Variants in KCNN2 observed in about 807,000 individuals in gnomAD.
The protein encoded by KCNN2 is small conductance calcium-activated potassium channel protein 2.
KCNN2 carries 24 observed loss-of-function variants against 55.5 expected under a neutral mutation model. The ratio of observed to expected loss-of-function variants is 0.43; its 90% CI spans 0.31 to 0.61. The LOEUF (loss-of-function observed/expected upper bound fraction) is 0.61. Ranked by LOEUF, KCNN2 falls within the 20% of genes least tolerant of loss-of-function variation. The pLI is 0.08. For missense variants in KCNN2, 754 were observed against 853.6 expected, an observed-to-expected ratio of 0.88 and a Z score of 1.45; for synonymous variants, 431 against 336.1, an observed-to-expected ratio of 1.28 and a Z score of -3.09.
intron 1 of KCNN2, among the ~76,000 whole-genome samples, chr5:114,184,456 C>T (rs1753293268): frequency 6.6e-6 from 1 of 152,070 alleles, no homozygotes; most frequent in Admixed American, 6.6e-5. Context: ...GCAAATTCTG[C>T]AGTAATTAAC....
At chr5:114,453,259 T>C (rs1041826651) in intron 3 of KCNN2, among the ~76,000 whole-genome samples, 1 of 152,216 alleles carries the variant, frequency 6.6e-6, no homozygotes, top group African/African-American at 2.4e-5. Context: ...GATCTATGCC[T>C]GCTCAGTTCC....
intron 2 of KCNN2, among the ~76,000 whole-genome samples, chr5:114,382,424 G>T (rs1000839744): frequency 6.6e-6 from 1 of 152,110 alleles, no homozygotes; most frequent in Non-Finnish European, 1.5e-5. Context: ...CTAATTGTTC[G>T]ATGTGTATAT....
chr5:114,323,655 T>TTTTTTTTTTTTTTTTTTTC, intron 2 of KCNN2, among the ~76,000 whole-genome samples: 1 of 133,842 alleles, frequency 7.5e-6, no homozygotes, highest in Non-Finnish European at 1.6e-5. Flanking sequence ...ATCAATTTTT[T>TTTTTTTTTTTTTTTTTTTC]TTTTTTTTTT....
chr5:114,195,749 G>C (rs1753543455), intron 1 of KCNN2, among the ~76,000 whole-genome samples: 1 of 152,022 alleles, frequency 6.6e-6, no homozygotes, highest in African/African-American at 2.4e-5. Context: ...AGACATCCTT[G>C]TCTTGTTCCT....
chr5:114,186,031 T>C (rs969982314), intron 1 of KCNN2, among the ~76,000 whole-genome samples: 1 of 152,218 alleles, frequency 6.6e-6, no homozygotes, highest in African/African-American at 2.4e-5. Context: ...ATGTTGTTCA[T>C]TTCTCTGCAT....
chr5:114,407,071 A>G (rs2150072419), intron 3 of KCNN2, among the ~76,000 whole-genome samples: 1 of 152,004 alleles, frequency 6.6e-6, no homozygotes, highest in East Asian at 1.9e-4. Context: ...TAGTATTGGT[A>G]TTCTAAAATT....
At chr5:114,206,835 C>T (rs1233743897) in intron 1 of KCNN2, among the ~76,000 whole-genome samples, 1 of 151,948 alleles carries the variant, frequency 6.6e-6, no homozygotes, top group East Asian at 1.9e-4. Context: ...AAGGTCTAGC[C>T]CCACTCTGTG....
At chr5:114,205,283 A>G (rs1753745770) in intron 1 of KCNN2, among the ~76,000 whole-genome samples, 1 of 152,252 alleles carries the variant, frequency 6.6e-6, no homozygotes, top group South Asian at 2.1e-4. Context: ...ACACAGTGTG[A>G]AAGACACTGA....
At chr5:114,158,293 G>C (rs1752685188) in intron 1 of KCNN2, among the ~76,000 whole-genome samples, 1 of 152,190 alleles carries the variant, frequency 6.6e-6, no homozygotes, top group Non-Finnish European at 1.5e-5. Context: ...TGCCAGGTTT[G>C]TCAAAGATCA....
At chr5:114,099,904 T>A (rs1468496609) in intron 1 of KCNN2, among the ~76,000 whole-genome samples, 2 of 151,890 alleles carry the variant, frequency 1.3e-5, no homozygotes, top group African/African-American at 2.4e-5. Flanking sequence ...ATTTATAAAA[T>A]ATTAAATACA....
At chr5:114,381,575 A>C (rs1758127153) in intron 2 of KCNN2, among the ~76,000 whole-genome samples, 1 of 152,168 alleles carries the variant, frequency 6.6e-6, no homozygotes, top group Admixed American at 6.5e-5. Flanking sequence ...GTGTCCCTCC[A>C]AGAGGATCAC....
intron 1 of KCNN2, among the ~76,000 whole-genome samples, chr5:114,108,873 T>A (rs1751539399): frequency 6.6e-6 from 1 of 152,116 alleles, no homozygotes; most frequent in Admixed American, 6.6e-5. Context: ...TTACTTTCTC[T>A]TGGGTAAACA....
At chr5:114,452,356 C>CAT (rs1212368848) in intron 3 of KCNN2, among the ~76,000 whole-genome samples, 1 of 152,144 alleles carries the variant, frequency 6.6e-6, no homozygotes, top group African/African-American at 2.4e-5. Context: ...CAATCTGTTG[C>CAT]ATATATTTTT....
intron 5 of KCNN2, among the ~76,000 whole-genome samples, chr5:114,473,931 T>C (rs1437042176): frequency 6.6e-6 from 1 of 152,190 alleles, no homozygotes. Flanking sequence ...AGGTTTTTAT[T>C]AGACTAAATT....
intron 1 of KCNN2, among the ~76,000 whole-genome samples, chr5:114,077,470 C>G (rs971642575): frequency 6.6e-6 from 1 of 152,154 alleles, no homozygotes; most frequent in Non-Finnish European, 1.5e-5. Flanking sequence ...TATGGGACAC[C>G]TGACAACACT....
intron 2 of KCNN2, among the ~76,000 whole-genome samples, chr5:114,351,748 G>A (rs2150040451): frequency 6.6e-6 from 1 of 151,750 alleles, no homozygotes; most frequent in African/African-American, 2.4e-5. Flanking sequence ...TGTATTGATA[G>A]TTTGTATTAC....
At chr5:114,251,961 C>G (rs1754873016) in intron 2 of KCNN2, among the ~76,000 whole-genome samples, 1 of 151,080 alleles carries the variant, frequency 6.6e-6, no homozygotes, top group South Asian at 2.1e-4. Context: ...TCACTGCAAC[C>G]TCTGCCTCCC....
chr5:114,188,948 C>G (rs1476521374), intron 1 of KCNN2, among the ~76,000 whole-genome samples: 1 of 151,836 alleles, frequency 6.6e-6, no homozygotes, highest in African/African-American at 2.4e-5. Flanking sequence ...AAAGTTGATT[C>G]CAAACATTAT....
intron 2 of KCNN2, among the ~76,000 whole-genome samples, chr5:114,253,132 C>CTTTT (rs35260445): frequency 0.81 from 113,365 of 140,288 alleles, 46,036 homozygotes; most frequent in East Asian, 0.89. Flanking sequence ...TTCTTGCTTT[C>CTTTT]TTTTTTTTTT....
Sources: allele counts gnomAD v4.1 joint callset (sites outside exome capture counted in the v4.1 genomes callset), GRCh38; gene constraint gnomAD v4.1.1; transcripts MANE v1.5; gene names NCBI Gene and HGNC (gene_info 2026-07-23, HGNC 2026-07-21).